Variants in PPTC7 observed in about 807,000 individuals in gnomAD.
The protein encoded by PPTC7 is protein phosphatase PTC7 homolog.
PPTC7 carries 6 observed loss-of-function variants against 30.8 expected under a neutral mutation model. That is an observed-to-expected ratio of 0.19 (90% CI 0.11 to 0.38). PPTC7 has a LOEUF of 0.38. PPTC7 is among the 10% of genes least tolerant of loss of function. The probability of loss-of-function intolerance (pLI) is 1.00; values close to 1 mark genes in which losing one functional copy is unlikely to be tolerated. For synonymous variants in PPTC7, 163 were observed against 168.1 expected, an observed-to-expected ratio of 0.97 and a Z score of 0.23; for missense variants, 218 against 404.8, an observed-to-expected ratio of 0.54 and a Z score of 3.96.
chr12:110,566,778 T>C (rs949121593), intron 1 of PPTC7, among the ~76,000 whole-genome samples: 8 of 152,172 alleles, frequency 5.3e-5, no homozygotes, highest in African/African-American at 1.9e-4. Flanking sequence ...AAGTAGTCCA[T>C]TCAGCTCTTT....
chr12:110,558,255 C>A (rs1259539283), intron 1 of PPTC7, among the ~76,000 whole-genome samples: 1 of 152,048 alleles, frequency 6.6e-6, no homozygotes, highest in Non-Finnish European at 1.5e-5. Flanking sequence ...GCTGGCAAGG[C>A]AAGTTGGGGC....
chr12:110,574,139 A>AT (rs1319073858), intron 1 of PPTC7, among the ~76,000 whole-genome samples: 217 of 121,560 alleles, frequency 1.8e-3, no homozygotes, highest in African/African-American at 5.4e-3. Context: ...CTCCACAATA[A>AT]TTAAAAAAAA....
At chr12:110,573,171 C>A (rs1036540512) in intron 1 of PPTC7, among the ~76,000 whole-genome samples, 2 of 152,170 alleles carry the variant, frequency 1.3e-5, no homozygotes, top group African/African-American at 4.8e-5. Context: ...TGAGCCACCA[C>A]GTCCGGCCCT....
At chr12:110,554,642 G>C (rs1483214787) in intron 1 of PPTC7, among the ~76,000 whole-genome samples, 1 of 152,172 alleles carries the variant, frequency 6.6e-6, no homozygotes, top group Non-Finnish European at 1.5e-5. Flanking sequence ...GAGGAAATTA[G>C]TGTTTATGAA....
intron 5 of PPTC7, 98 bp downstream of exon 5, chr12:110,538,046 G>A (rs1343322040): frequency 2.3e-5 from 31 of 1,325,346 alleles, no homozygotes; most frequent in Non-Finnish European, 2.9e-5. Context: ...GGGGCTGGGA[G>A]AGGACACCTC....
intron 1 of PPTC7, among the ~76,000 whole-genome samples, chr12:110,552,790 C>A (rs1250350760): frequency 6.6e-6 from 1 of 151,864 alleles, no homozygotes; most frequent in Non-Finnish European, 1.5e-5. Flanking sequence ...TGTGAACCCG[C>A]GAGGCAGAGC....
intron 1 of PPTC7, among the ~76,000 whole-genome samples, chr12:110,566,398 G>C (rs2064483344): frequency 6.6e-6 from 1 of 152,176 alleles, no homozygotes; most frequent in Non-Finnish European, 1.5e-5. Context: ...ACAGGCTCTG[G>C]AGGCAGATCT....
At chr12:110,560,340 G>T (rs1480216215) in intron 1 of PPTC7, among the ~76,000 whole-genome samples, 1 of 151,766 alleles carries the variant, frequency 6.6e-6, no homozygotes, top group Non-Finnish European at 1.5e-5. Flanking sequence ...GGTCAATGCT[G>T]CAATGAGCTG....
At position 110,569,032 on chromosome 12, in the gene PPTC7, GCC is replaced by G. The variant is rs5800891; in HGVS notation, c.223+13775_223+13776del. 2.5e-3 allele frequency among the ~76,000 whole-genome samples: 302 copies of G among 119,896 alleles called. 1 individual carries two copies. The highest frequency in any genetic ancestry group is 8.3e-3 in the African/African-American group (253 of 30,422). The allele number at this position is 119,896 out of a possible 152,430, so 78.7% of individuals were successfully genotyped here. On this transcript the variant is annotated intron_variant, in intron 1 of 5. Coordinates refer to ENST00000354300, the MANE Select transcript of PPTC7 (RefSeq NM_139283.2). ...GGCAACACAGCAAGACCCTGTCCCC[GCC>G]CCCCCCCCTCAAAAAAAGCCAGGTG...
Position 110,537,072 on chromosome 12 carries a change from C to G in PPTC7, c.880G>C (p.Val294Leu). Reference sequence around the variant, plus strand: ...TACTCAGCCACTATTGAAAGAAGGACGGTGATGTCATCTGGCTTTCCACCT... The same window carrying G: ...TACTCAGCCACTATTGAAAGAAGGAGGGTGATGTCATCTGGCTTTCCACCT... ...VRGGKPDDIT[V>L]LLSIVAEYTD The change falls in exon 6 of 6, where the codon GTC (valine) becomes CTC (leucine). Residue 294 changes from valine to leucine, a missense_variant. Val to Leu is a conservative substitution (Grantham distance 32, BLOSUM62 1). Coordinates refer to ENST00000354300, the MANE Select transcript of PPTC7 (RefSeq NM_139283.2). The G allele has an allele frequency of 6.2e-7, 1 of 1,612,656 alleles. No individual in the cohort carries two copies. The highest frequency in any genetic ancestry group is 8.5e-7 in the Non-Finnish European group (1 of 1,178,792).
At chr12:110,573,008 T>C (rs2064552729) in intron 1 of PPTC7, among the ~76,000 whole-genome samples, 1 of 151,906 alleles carries the variant, frequency 6.6e-6, no homozygotes, top group Non-Finnish European at 1.5e-5. Context: ...ACCACCAGAG[T>C]AGCTGGGATT....
chr12:110,549,758 T>C (rs2064336710), intron 2 of PPTC7, among the ~76,000 whole-genome samples: 1 of 152,276 alleles, frequency 6.6e-6, no homozygotes, highest in East Asian at 1.9e-4. Context: ...AAAATCAGGA[T>C]GGTTACGTGT....
rs946932153 is a variant in PPTC7, at chr12:110,552,060, T to C, written c.224-92A>G. The C allele has an allele frequency of 4.3e-6, 4 of 929,720 alleles. No homozygotes were observed. In the South Asian group the frequency reaches 5.0e-5, roughly 12 times the overall value. 57.6% of individuals were successfully genotyped at this position (929,720 alleles called of 1,614,324 possible). On this transcript the variant is annotated intron_variant, in intron 1 of 5. Coordinates refer to ENST00000354300, the MANE Select transcript of PPTC7 (RefSeq NM_139283.2). The stretch of plus-strand genomic sequence containing the variant: ...GTTTTCTCCTAACAGTTAATTTCAC[T>C]ACATGCTACTACATACATTCACTCC...
chr12:110,558,285 T>C (rs558629719), intron 1 of PPTC7, among the ~76,000 whole-genome samples: 5 of 152,276 alleles, frequency 3.3e-5, no homozygotes, highest in Admixed American at 6.5e-5. Context: ...TGAGAATTGA[T>C]ACCTTAGTGG....
chr12:110,566,040 A>C (rs182234782), intron 1 of PPTC7, among the ~76,000 whole-genome samples: 123 of 152,328 alleles, frequency 8.1e-4, no homozygotes, highest in Non-Finnish European at 9.7e-4. Flanking sequence ...TACAAGTCAT[A>C]GCAGGTGAGG....
At chr12:110,576,627 A>C (rs1006127317) in intron 1 of PPTC7, among the ~76,000 whole-genome samples, 3 of 152,238 alleles carry the variant, frequency 2.0e-5, no homozygotes, top group African/African-American at 7.2e-5. Flanking sequence ...AAAAGGCCAC[A>C]TATTACACGA....
At chr12:110,545,859 A>G in intron 3 of PPTC7, 21 bp downstream of exon 3, 1 of 1,611,886 alleles carries the variant, frequency 6.2e-7, no homozygotes, top group Non-Finnish European at 8.5e-7. Context: ...CTCACACTTA[A>G]TGGCTGAGAG....
chr12:110,558,744 GC>G (rs973004193), intron 1 of PPTC7, among the ~76,000 whole-genome samples: 2 of 152,014 alleles, frequency 1.3e-5, no homozygotes, highest in Admixed American at 6.6e-5. Flanking sequence ...TCCCGCCTCA[GC>G]CCCCCAAGTA....
intron 1 of PPTC7, among the ~76,000 whole-genome samples, chr12:110,557,343 T>C (rs1340838743): frequency 6.6e-6 from 1 of 152,202 alleles, no homozygotes; most frequent in Non-Finnish European, 1.5e-5. Flanking sequence ...GGCCTGATCA[T>C]AGCTCACTGC....
Sources: allele counts gnomAD v4.1 joint callset (sites outside exome capture counted in the v4.1 genomes callset), GRCh38; gene constraint gnomAD v4.1.1; transcripts MANE v1.5; gene names NCBI Gene and HGNC (gene_info 2026-07-23, HGNC 2026-07-21).